KALRN: variants seen among roughly 807,000 people sequenced by gnomAD.
The protein encoded by KALRN is kalirin RhoGEF kinase, also known as kalirin.
KALRN carries 70 observed loss-of-function variants against 353.7 expected under a neutral mutation model. The observed-to-expected ratio is 0.20, with a 90% CI of 0.16 to 0.24. The LOEUF is 0.24. KALRN is among the 10% of genes least tolerant of loss of function. KALRN has a pLI of 1.00. For missense variants in KALRN, 2,791 were observed against 3,756.7 expected (o/e 0.74, Z 6.72); for synonymous variants, 1,391 against 1,434.8 (o/e 0.97, Z 0.69).
chr3:124,118,551 C>T (rs1300218101), intron 1 of KALRN, among the ~76,000 whole-genome samples: 2 of 152,154 alleles, frequency 1.3e-5, no homozygotes, highest in Non-Finnish European at 2.9e-5. Context: ...CCACAGAAGC[C>T]CTCTGTCCCT....
intron 1 of KALRN, among the ~76,000 whole-genome samples, chr3:124,035,461 C>G (rs1280978810): frequency 6.6e-6 from 1 of 152,176 alleles, no homozygotes; most frequent in Non-Finnish European, 1.5e-5. Context: ...TCTGCATTTT[C>G]TTAGCTCTGA....
At chr3:124,575,482 A>G (rs1366420853) in intron 34 of KALRN, among the ~76,000 whole-genome samples, 1 of 152,142 alleles carries the variant, frequency 6.6e-6, no homozygotes, top group South Asian at 2.1e-4. Context: ...TTCATCTCCT[A>G]TGTATTCATT....
intron 1 of KALRN, among the ~76,000 whole-genome samples, chr3:124,084,396 C>T (rs1187650806): frequency 6.6e-6 from 1 of 152,210 alleles, no homozygotes; most frequent in East Asian, 1.9e-4. Flanking sequence ...ATGACCACTT[C>T]CTCTGAATCC....
chr3:124,690,912 T>C (rs1474834799), intron 51 of KALRN, among the ~76,000 whole-genome samples: 3 of 152,194 alleles, frequency 2.0e-5, no homozygotes, highest in Non-Finnish European at 2.9e-5. Context: ...GAAAGAAAGA[T>C]TGCGAATAAG....
chr3:124,401,362 G>T (rs533843842), intron 13 of KALRN, among the ~76,000 whole-genome samples: 3 of 152,068 alleles, frequency 2.0e-5, no homozygotes, highest in East Asian at 1.9e-4. Flanking sequence ...AACAAAAACC[G>T]AGTGTGGTGG....
chr3:124,657,165 T>C (rs333302), intron 39 of KALRN, among the ~76,000 whole-genome samples: 101,300 of 152,088 alleles, frequency 0.67, 34,910 homozygotes, highest in East Asian at 0.91. Flanking sequence ...ACCTGATTAA[T>C]TTGGATTGGG....
chr3:124,377,512 A>G (rs2086749823), intron 10 of KALRN, among the ~76,000 whole-genome samples: 1 of 151,324 alleles, frequency 6.6e-6, no homozygotes, highest in Admixed American at 6.6e-5. Flanking sequence ...TGAAAAGAAT[A>G]TGCGTTCAGC....
At chr3:124,581,361 C>G (rs577737309) in intron 34 of KALRN, among the ~76,000 whole-genome samples, 4 of 148,458 alleles carry the variant, frequency 2.7e-5, no homozygotes, top group Non-Finnish European at 5.9e-5. Context: ...CCACTGCGCT[C>G]TAGCCTGGGT....
chr3:124,517,835 A>G (rs967349626), intron 33 of KALRN, among the ~76,000 whole-genome samples: 1 of 152,222 alleles, frequency 6.6e-6, no homozygotes, highest in Admixed American at 6.5e-5. Flanking sequence ...TGTACTATAT[A>G]AATGGGTAAA....
chr3:124,086,614 T>C (rs965530655), intron 1 of KALRN, among the ~76,000 whole-genome samples: 15 of 152,182 alleles, frequency 9.9e-5, no homozygotes, highest in Non-Finnish European at 7.3e-5. Flanking sequence ...ATGGCAAATA[T>C]TTACTTCCTG....
chr3:124,377,965 G>A (rs972287911), intron 10 of KALRN, among the ~76,000 whole-genome samples: 1 of 152,008 alleles, frequency 6.6e-6, no homozygotes, highest in South Asian at 2.1e-4. Flanking sequence ...CCTGTAGACA[G>A]CATATAATTG....
chr3:124,250,394 C>A (rs1580044652), intron 3 of KALRN, among the ~76,000 whole-genome samples: 1 of 152,228 alleles, frequency 6.6e-6, no homozygotes, highest in East Asian at 1.9e-4. Flanking sequence ...GTAGGCCAAG[C>A]CTGGGAGAGT....
intron 28 of KALRN, among the ~76,000 whole-genome samples, chr3:124,483,929 C>T (rs1262878353): frequency 2.0e-5 from 3 of 152,134 alleles, no homozygotes; most frequent in African/African-American, 7.2e-5. Flanking sequence ...GGAATTGACA[C>T]AAGTAGTTAA....
chr3:124,596,923 C>T (rs2076321467), intron 34 of KALRN, among the ~76,000 whole-genome samples: 1 of 152,110 alleles, frequency 6.6e-6, no homozygotes, highest in African/African-American at 2.4e-5. Context: ...GTGGTGCATG[C>T]CTGTAGTCTC....
intron 22 of KALRN, 88 bp from the exon 23 acceptor site, chr3:124,456,518 CTTTT>C: frequency 1.3e-6 from 1 of 788,272 alleles, no homozygotes; most frequent in East Asian, 2.7e-5. Context: ...TCCATTATAT[CTTTT>C]TTTCCCCCTT....
At chr3:124,192,402 C>T (rs187234286) in intron 1 of KALRN, among the ~76,000 whole-genome samples, 139 of 151,632 alleles carry the variant, frequency 9.2e-4, no homozygotes, top group African/African-American at 3.0e-3. Flanking sequence ...TTGAAGGGAG[C>T]GGGGAGGTGG....
chr3:124,204,446 GTTTAC>G (rs1319086608), intron 1 of KALRN, among the ~76,000 whole-genome samples: 1 of 152,152 alleles, frequency 6.6e-6, no homozygotes, highest in African/African-American at 2.4e-5. Context: ...CATGTGGAGT[GTTTAC>G]TTTAAAAGAA....
At chr3:124,236,862 C>T (rs1291729397) in intron 3 of KALRN, among the ~76,000 whole-genome samples, 1 of 152,210 alleles carries the variant, frequency 6.6e-6, no homozygotes. Context: ...GTGGTCACAT[C>T]AGTGCAATCT....
chr3:124,403,474 G>A (rs1385259928), intron 13 of KALRN, among the ~76,000 whole-genome samples: 1 of 152,152 alleles, frequency 6.6e-6, no homozygotes, highest in Non-Finnish European at 1.5e-5. Context: ...ATCTCTAACT[G>A]TGTAATTGCA....
Sources: gnomAD v4.1 joint callset for allele counts (sites outside exome capture counted in the v4.1 genomes callset) on GRCh38, gnomAD v4.1.1 for gene constraint, MANE v1.5 for transcripts, NCBI Gene and HGNC (gene_info 2026-07-23, HGNC 2026-07-21) for gene names.